Variants in AUTS2 observed in about 807,000 individuals in gnomAD.
AUTS2 encodes the protein activator of transcription and developmental regulator AUTS2.
A neutral mutation model predicts 112.4 loss-of-function variants in AUTS2; 17 were observed. The observed-to-expected ratio is 0.15, with a 90% CI of 0.10 to 0.23. The LOEUF is 0.23. Ranked by LOEUF, AUTS2 falls within the 10% of genes least tolerant of loss-of-function variation. AUTS2 has a pLI of 1.00. For missense variants in AUTS2, 1,510 were observed against 1,701.6 expected (o/e 0.89, Z 1.98); for synonymous variants, 751 against 702.7 (o/e 1.07, Z -1.09).
chr7:70,313,467 A>G (rs940371208), intron 4 of AUTS2, among the ~76,000 whole-genome samples: 2 of 152,238 alleles, frequency 1.3e-5, no homozygotes, highest in Admixed American at 1.3e-4. Flanking sequence ...TTCTAACAGT[A>G]AACATGCTCC....
chr7:69,792,175 CATT>C (rs1789632994), intron 1 of AUTS2, among the ~76,000 whole-genome samples: 1 of 151,674 alleles, frequency 6.6e-6, no homozygotes, highest in South Asian at 2.1e-4. Flanking sequence ...TGAAAGGAAT[CATT>C]ATTATTGTCA....
At chr7:70,611,667 GT>G (rs1804099721) in intron 5 of AUTS2, among the ~76,000 whole-genome samples, 1 of 152,220 alleles carries the variant, frequency 6.6e-6, no homozygotes, top group Admixed American at 6.5e-5. Context: ...CTTATAGCAA[GT>G]CTTTTTGTTA....
intron 2 of AUTS2, among the ~76,000 whole-genome samples, chr7:69,939,260 A>G (rs1178599493): frequency 1.3e-5 from 2 of 152,166 alleles, no homozygotes; most frequent in African/African-American, 4.8e-5. Flanking sequence ...TTTTTCTCCT[A>G]TTCATTTCTA....
chr7:69,701,938 A>C (rs1230511851), intron 1 of AUTS2, among the ~76,000 whole-genome samples: 2 of 152,232 alleles, frequency 1.3e-5, no homozygotes, highest in Non-Finnish European at 2.9e-5. Context: ...AAGAAAGAGA[A>C]GAGTATGTCG....
At chr7:70,512,263 T>A (rs1433483215) in intron 5 of AUTS2, among the ~76,000 whole-genome samples, 1 of 152,202 alleles carries the variant, frequency 6.6e-6, no homozygotes, top group East Asian at 1.9e-4. Context: ...ATTAGCCACA[T>A]AGAGGCCTTT....
chr7:70,173,042 T>G (rs1808785367), intron 4 of AUTS2, among the ~76,000 whole-genome samples: 1 of 152,180 alleles, frequency 6.6e-6, no homozygotes, highest in Non-Finnish European at 1.5e-5. Flanking sequence ...GGTTTCAATT[T>G]CTTCCTATTG....
At chr7:69,609,524 G>C (rs1417010289) in intron 1 of AUTS2, among the ~76,000 whole-genome samples, 1 of 152,118 alleles carries the variant, frequency 6.6e-6, no homozygotes, top group Admixed American at 6.5e-5. Flanking sequence ...ATGTCTAGTG[G>C]AAAGATAAAA....
At chr7:69,662,128 T>G (rs1374568779) in intron 1 of AUTS2, among the ~76,000 whole-genome samples, 3 of 151,354 alleles carry the variant, frequency 2.0e-5, no homozygotes, top group Non-Finnish European at 4.4e-5. Context: ...TTTCTCCCAC[T>G]CTCCATGTAA....
At chr7:69,949,156 T>C (rs892961744) in intron 2 of AUTS2, among the ~76,000 whole-genome samples, 1 of 152,192 alleles carries the variant, frequency 6.6e-6, no homozygotes, top group African/African-American at 2.4e-5. Flanking sequence ...TTTGCACTTA[T>C]CTACCATTAG....
intron 5 of AUTS2, among the ~76,000 whole-genome samples, chr7:70,499,395 C>T (rs1798685974): frequency 6.6e-6 from 1 of 152,186 alleles, no homozygotes; most frequent in South Asian, 2.1e-4. Flanking sequence ...AGGCAAAGCC[C>T]CACCCAGTCT....
intron 5 of AUTS2, among the ~76,000 whole-genome samples, chr7:70,634,451 C>T (rs1308271770): frequency 6.6e-6 from 1 of 152,172 alleles, no homozygotes; most frequent in Non-Finnish European, 1.5e-5. Context: ...GCGGGCCTAG[C>T]CTTGGAAATG....
intron 4 of AUTS2, among the ~76,000 whole-genome samples, chr7:70,266,412 G>T (rs1009544956): frequency 1.3e-5 from 2 of 152,134 alleles, no homozygotes; most frequent in African/African-American, 4.8e-5. Flanking sequence ...TCCTTTGGGG[G>T]TGATGAAATG....
chr7:70,772,662 C>T (rs182376411), intron 11 of AUTS2, among the ~76,000 whole-genome samples: 5 of 152,340 alleles, frequency 3.3e-5, no homozygotes, highest in East Asian at 1.9e-4. Context: ...GTGGGGTCCC[C>T]TCCCCCTTCA....
intron 1 of AUTS2, among the ~76,000 whole-genome samples, chr7:69,762,984 T>C (rs1788259822): frequency 6.6e-6 from 1 of 152,154 alleles, no homozygotes; most frequent in Non-Finnish European, 1.5e-5. Flanking sequence ...TACACCTTCA[T>C]CATCAAGCTC....
intron 5 of AUTS2, among the ~76,000 whole-genome samples, chr7:70,539,043 C>G (rs1184983750): frequency 6.6e-6 from 1 of 152,146 alleles, no homozygotes; most frequent in Non-Finnish European, 1.5e-5. Context: ...CACAGAGTGA[C>G]AGGTGGAGGG....
chr7:70,346,213 A>T (rs1237905338), intron 4 of AUTS2, among the ~76,000 whole-genome samples: 2 of 152,164 alleles, frequency 1.3e-5, no homozygotes, highest in African/African-American at 4.8e-5. Context: ...CTGCTTTTCC[A>T]CAATACCTTT....
intron 6 of AUTS2, among the ~76,000 whole-genome samples, chr7:70,758,189 C>T (rs1036203087): frequency 6.6e-6 from 1 of 152,146 alleles, no homozygotes; most frequent in Non-Finnish European, 1.5e-5. Context: ...TTCTTTTTTA[C>T]AGCTGCAAGG....
At chr7:69,964,972 C>T (rs1257269038) in intron 2 of AUTS2, among the ~76,000 whole-genome samples, 1 of 151,936 alleles carries the variant, frequency 6.6e-6, no homozygotes, top group Non-Finnish European at 1.5e-5. Flanking sequence ...CTTATTAGTA[C>T]CCCCAGTTCC....
intron 2 of AUTS2, among the ~76,000 whole-genome samples, chr7:70,069,268 A>G (rs566609783): frequency 6.6e-6 from 1 of 152,320 alleles, no homozygotes; most frequent in African/African-American, 2.4e-5. Flanking sequence ...GTGATCAGAC[A>G]ACCCTTGCTT....
Sources: gnomAD v4.1 joint callset for allele counts (sites outside exome capture counted in the v4.1 genomes callset) on GRCh38, gnomAD v4.1.1 for gene constraint, MANE v1.5 for transcripts, NCBI Gene and HGNC (gene_info 2026-07-23, HGNC 2026-07-21) for gene names.